The following C2CD5 variants were observed in gnomAD, a reference collection of about 807,000 sequenced individuals.
C2CD5 encodes C2 calcium dependent domain containing 5.
In C2CD5, 109 loss-of-function variants were observed where a neutral mutation model predicts 130.3. The ratio of observed to expected loss-of-function variants is 0.84; its 90% CI spans 0.72 to 0.98. C2CD5 has a LOEUF of 0.98. C2CD5 is among the 50% of genes least tolerant of loss of function. The pLI, the probability that C2CD5 is intolerant of heterozygous loss-of-function variation, is 0.00. For synonymous variants in C2CD5, 454 were observed against 429.2 expected, an observed-to-expected ratio of 1.06 and a Z score of -0.71; for missense variants, 996 against 1,261.8, an observed-to-expected ratio of 0.79 and a Z score of 3.19.
rs1271445991 is a variant in C2CD5 at position 22,449,599 on chromosome 12, T to C, written c.*161A>G. The C allele has an allele frequency of 1.5e-5, 9 of 598,232 alleles. No individual in the cohort carries two copies. The East Asian group carries it at 2.5e-4, about 17-fold the overall frequency. 37.1% of individuals were successfully genotyped at this position (598,232 alleles called of 1,614,324 possible). On this transcript the variant is annotated 3_prime_UTR_variant, in exon 27 of 27. Transcript: ENST00000446597. ...GAACAGGCAAACAAAATGTCAAGATTAGAAAATTCTCATGCCTCCAAAAGA... is the reference window on the plus strand; with the variant it reads ...GAACAGGCAAACAAAATGTCAAGATCAGAAAATTCTCATGCCTCCAAAAGA...
intron 10 of C2CD5, among the ~76,000 whole-genome samples, chr12:22,502,974 T>C (rs139012242): frequency 1.3e-5 from 2 of 152,292 alleles, no homozygotes; most frequent in Non-Finnish European, 2.9e-5. Flanking sequence ...GAAAGGAGCA[T>C]GCTATAGTAA....
At chr12:22,468,424 C>A (rs1942461881) in intron 22 of C2CD5, among the ~76,000 whole-genome samples, 1 of 152,076 alleles carries the variant, frequency 6.6e-6, no homozygotes, top group Admixed American at 6.6e-5. Flanking sequence ...CACTGTGTTG[C>A]CCAGGCTGGT....
chr12:22,495,465 C>T (rs187844252), intron 10 of C2CD5, among the ~76,000 whole-genome samples: 2 of 151,806 alleles, frequency 1.3e-5, no homozygotes, highest in East Asian at 3.9e-4. Flanking sequence ...ATACAAAGTT[C>T]ATTTACGTTA....
chr12:22,544,215 G>A (rs917876227), intron 1 of C2CD5, 36 bp from the exon 2 acceptor site: 9 of 1,536,494 alleles, frequency 5.9e-6, no homozygotes, highest in East Asian at 2.3e-5. Flanking sequence ...CGCCGAGCGC[G>A]GGGCCGGCGG....
intron 24 of C2CD5, among the ~76,000 whole-genome samples, chr12:22,458,194 G>A (rs1452966689): frequency 6.6e-6 from 1 of 152,112 alleles, no homozygotes; most frequent in Admixed American, 6.6e-5. Flanking sequence ...TTCAATAAGA[G>A]AGTTGGCAAT....
intron 3 of C2CD5, among the ~76,000 whole-genome samples, chr12:22,531,981 A>C (rs559204916): frequency 9.2e-5 from 14 of 152,300 alleles, no homozygotes; most frequent in African/African-American, 3.1e-4. Context: ...CCAAAATGCT[A>C]ATATTTAAAC....
Position 22,449,898 on chromosome 12 carries a change from GAAC to G in C2CD5, c.3025-10_3025-8del, listed in dbSNP as rs1342089413. On this transcript the variant is annotated splice_region_variant and splice_polypyrimidine_tract_variant and intron_variant, in intron 26 of 26. Coordinates refer to ENST00000446597, the MANE Select transcript of C2CD5 (RefSeq NM_001286176.2). The stretch of plus-strand genomic sequence containing the variant: ...CATTTATAAGACACTGTGCCTATAA[GAAC>G]AACAAACAGGACAGGTTCAGTTATA... 1 of 1,600,364 alleles carries G rather than the reference GAAC, an allele frequency of 6.2e-7. No individual in the cohort carries two copies. Among genetic ancestry groups the G allele is most frequent in the African/African-American group, 1.3e-5 (1 of 74,678 alleles).
Position 22,471,960 on chromosome 12 carries a change from T to C in C2CD5, c.2268+7A>G. 6.6e-6 allele frequency: 10 copies of C among 1,511,026 alleles called. No individual in the cohort carries two copies. The highest frequency in any genetic ancestry group is 1.1e-5 in the South Asian group (1 of 88,958). 93.6% of individuals were successfully genotyped at this position (1,511,026 alleles called of 1,614,324 possible). ...CATGAAATAAAATTTAGTCAGAAGG[T>C]TCCTACCTTGAGCAAATTTTCACAG... On this transcript the variant is annotated splice_region_variant and intron_variant, in intron 19 of 26. Coordinates refer to ENST00000446597, the MANE Select transcript of C2CD5 (RefSeq NM_001286176.2).
Position 22,474,768 on chromosome 12 carries a change from C to CT in C2CD5, c.2025dup (p.Asp676ArgfsTer8). On this transcript the variant is annotated frameshift_variant, in exon 16 of 27. Transcript: ENST00000446597. LOFTEE classifies it high-confidence loss of function. ...CACATTACCTCCAAAACAAAAGCATCTTTTTTCCCATGTGAAAGGTCTAAT... is the reference window on the plus strand; with the variant it reads ...CACATTACCTCCAAAACAAAAGCATCTTTTTTTCCCATGTGAAAGGTCTAAT... 1 of 1,601,646 alleles carries CT rather than the reference C, an allele frequency of 6.2e-7. No homozygotes were observed. Among genetic ancestry groups the CT allele is most frequent in the East Asian group, 2.2e-5 (1 of 44,528 alleles).
chr12:22,491,669 C>A (rs1446333015), intron 11 of C2CD5, among the ~76,000 whole-genome samples: 2 of 151,902 alleles, frequency 1.3e-5, no homozygotes, highest in Non-Finnish European at 2.9e-5. Context: ...GTCAGGAGTT[C>A]GAGATCAGCC....
At chr12:22,481,938 A>G (rs1944788053) in intron 14 of C2CD5, among the ~76,000 whole-genome samples, 1 of 150,972 alleles carries the variant, frequency 6.6e-6, no homozygotes, top group African/African-American at 2.4e-5. Context: ...GGCCAGAAAC[A>G]CCTGTATTTT....
chr12:22,523,548 G>GA lies in C2CD5; in HGVS notation c.677dup (p.Asp227ArgfsTer21). Reference sequence around the variant, plus strand: ...CTAACCCAGACTCGCCCTCCAGATCGAAACACTGTAAGTACCCCACAACTG... The same window carrying GA: ...CTAACCCAGACTCGCCCTCCAGATCGAAAACACTGTAAGTACCCCACAACTG... On this transcript the variant is annotated frameshift_variant, in exon 7 of 27. Transcript: ENST00000446597. LOFTEE classifies it high-confidence loss of function. 1 of 1,613,816 alleles carries GA rather than the reference G, an allele frequency of 6.2e-7. No homozygotes were observed. The highest frequency in any genetic ancestry group is 1.1e-5 in the South Asian group (1 of 91,076).
At position 22,518,103 on chromosome 12, in the gene C2CD5, G is replaced by A. The variant is rs372679350; in HGVS notation, c.835C>T (p.His279Tyr). The stretch of plus-strand genomic sequence containing the variant: ...AGAGGGGTTGAGGGTCCTGATGAGT[G>A]AGTATTGGGATTGGGATCTTCATTG... ...PFNEDPNPNT[H>Y]SSGPSTPLKN... Residue 279 changes from histidine (H) to tyrosine (Y), a missense_variant, in exon 8 of 27, where the codon CAC (histidine) becomes TAC (tyrosine). By Grantham distance (83) the His-to-Tyr change is moderately conservative (BLOSUM62 2). Transcript: ENST00000446597. 2 of 1,613,754 alleles carry A rather than the reference G, an allele frequency of 1.2e-6. No individual in the cohort carries two copies. The highest frequency in any genetic ancestry group is 1.1e-5 in the South Asian group (1 of 91,074).
intron 7 of C2CD5, among the ~76,000 whole-genome samples, chr12:22,521,654 A>C (rs1282107600): frequency 6.6e-6 from 1 of 152,226 alleles, no homozygotes; most frequent in Non-Finnish European, 1.5e-5. Context: ...TTTCTAGGAG[A>C]TATTTTAAAT....
chr12:22,452,735 C>G (rs1456731074), intron 26 of C2CD5, among the ~76,000 whole-genome samples: 1 of 152,132 alleles, frequency 6.6e-6, no homozygotes, highest in African/African-American at 2.4e-5. Flanking sequence ...ATGAAGTACC[C>G]TTCTGAAGAA....
At chr12:22,525,767 G>A (rs1950663041) in intron 4 of C2CD5, 62 bp from the exon 5 acceptor site, 6 of 812,530 alleles carry the variant, frequency 7.4e-6, no homozygotes, top group African/African-American at 1.7e-5. Context: ...ATTAAATAAT[G>A]AAGCAAATTA....
chr12:22,544,147 G>T lies in C2CD5; in HGVS notation c.4C>A (p.Pro2Thr). 6.2e-7 allele frequency: 1 copy of T among 1,614,012 alleles called. No homozygotes were observed. Among genetic ancestry groups the T allele is most frequent in the South Asian group, 1.1e-5 (1 of 91,082 alleles). Residue 2 changes from proline to threonine, a missense_variant, in exon 2 of 27, where the codon CCA becomes ACA. By Grantham distance (38) the Pro-to-Thr change is conservative. Coordinates refer to ENST00000446597, the MANE Select transcript of C2CD5 (RefSeq NM_001286176.2). Reference sequence around the variant, plus strand: ...ACGATTTTCACCTTCAGCTTCCCTGGCATGGTCTCGGTTTCGGCCTCTTCT... The same window carrying T: ...ACGATTTTCACCTTCAGCTTCCCTGTCATGGTCTCGGTTTCGGCCTCTTCT... The part of the protein sequence containing the change: M[P>T]GKLKVKIVAG...
At chr12:22,535,945 C>T (rs192544917) in intron 2 of C2CD5, among the ~76,000 whole-genome samples, 23 of 152,182 alleles carry the variant, frequency 1.5e-4, no homozygotes, top group Admixed American at 8.5e-4. Flanking sequence ...CACAGAGGTA[C>T]ACAATGGCAT....
intron 15 of C2CD5, among the ~76,000 whole-genome samples, chr12:22,476,057 A>G (rs1943799858): frequency 6.6e-6 from 1 of 152,168 alleles, no homozygotes; most frequent in African/African-American, 2.4e-5. Flanking sequence ...AATATGTTCT[A>G]GATTCATACT....
Sources: allele counts gnomAD v4.1 joint callset (sites outside exome capture counted in the v4.1 genomes callset), GRCh38; gene constraint gnomAD v4.1.1; transcripts MANE v1.5; gene names NCBI Gene and HGNC (gene_info 2026-07-23, HGNC 2026-07-21).